The following COL5A2 variants were observed in gnomAD, a reference collection of about 807,000 sequenced individuals.
COL5A2 encodes the protein collagen alpha-2(V) chain.
COL5A2 carries 23 observed loss-of-function variants against 208.2 expected under a neutral mutation model. The ratio of observed to expected loss-of-function variants is 0.11; its 90% confidence interval spans 0.08 to 0.16. COL5A2 has a LOEUF of 0.16. Ranked by LOEUF, COL5A2 falls within the 10% of genes least tolerant of loss-of-function variation. COL5A2 has a pLI of 1.00. For missense variants in COL5A2, 1,590 were observed against 1,956.4 expected (o/e 0.81, Z 3.53); for synonymous variants, 625 against 628.5 (o/e 0.99, Z 0.08).
At chr2:189,061,184 GTAGA>G (rs1439753409) in intron 30 of COL5A2, among the ~76,000 whole-genome samples, 12 of 152,044 alleles carry the variant, frequency 7.9e-5, no homozygotes, top group Non-Finnish European at 1.5e-4. Flanking sequence ...ACTGATATAT[GTAGA>G]TAAATTATGA....
the COL5A2 span, among the ~76,000 whole-genome samples, chr2:189,253,678 A>G: frequency 2.1e-4 from 32 of 152,322 alleles, no homozygotes; most frequent in African/African-American, 7.7e-4. Context: ...TCATCTTTTA[A>G]TTCCCAGTGC....
intron 1 of COL5A2, among the ~76,000 whole-genome samples, chr2:189,132,148 CA>C (rs1687728066): frequency 6.6e-6 from 1 of 152,200 alleles, no homozygotes; most frequent in Non-Finnish European, 1.5e-5. Flanking sequence ...TCTCTGACCT[CA>C]AGTGGCCAGA....
intron 1 of COL5A2, among the ~76,000 whole-genome samples, chr2:189,122,198 C>A (rs1479218189): frequency 6.6e-6 from 1 of 152,092 alleles, no homozygotes; most frequent in East Asian, 1.9e-4. Context: ...GTTGAGGTAG[C>A]AAATAGTTTA....
chr2:189,311,452 C>G, the COL5A2 span: 1 of 1,128,676 alleles, frequency 8.9e-7, no homozygotes, highest in Non-Finnish European at 1.3e-6. Flanking sequence ...CCTCGATGTT[C>G]AGCAGGGCCT....
chr2:189,066,489 A>G lies in COL5A2; in HGVS notation c.1464T>C (p.His488=), dbSNP rs1178275685. ...GTGGGCCTATCGGACCCTGAATACC[A>G]TGTGGCCCCTGTTAAAAACAGAAGG... ...EAGPKGEPGP[H]GIQGPIGPPG... The change falls in exon 23 of 54, where the codon CAT becomes CAC. Residue 488 remains histidine, a synonymous_variant. Coordinates refer to ENST00000374866, the MANE Select transcript of COL5A2 (RefSeq NM_000393.5). The G allele has an allele frequency of 1.2e-6, 2 of 1,613,972 alleles. No individual in the cohort carries two copies. The highest frequency in any genetic ancestry group is 1.7e-5 in the Admixed American group (1 of 59,972).
chr2:189,089,777 G>A (rs542213399), intron 7 of COL5A2, among the ~76,000 whole-genome samples: 20 of 152,164 alleles, frequency 1.3e-4, no homozygotes, highest in African/African-American at 4.6e-4. Flanking sequence ...CAGTGATCTT[G>A]ATGTTACTAA....
intron 1 of COL5A2, among the ~76,000 whole-genome samples, chr2:189,211,537 T>A (rs1452367688): frequency 2.0e-5 from 3 of 152,058 alleles, no homozygotes; most frequent in Non-Finnish European, 4.4e-5. Flanking sequence ...TCAATGAGAA[T>A]AAGGCAGAGA....
chr2:189,173,039 C>T (rs1407720084), intron 1 of COL5A2, among the ~76,000 whole-genome samples: 1 of 134,248 alleles, frequency 7.4e-6, no homozygotes, highest in Non-Finnish European at 1.5e-5. Context: ...GGCATGATCT[C>T]TGCTCACTGC....
chr2:189,279,794 A>T, the COL5A2 span, among the ~76,000 whole-genome samples: 1 of 152,154 alleles, frequency 6.6e-6, no homozygotes, highest in Admixed American at 6.6e-5. Context: ...GCAAGAGAAA[A>T]CTTGAAATTA....
At chr2:189,431,636 A>G in the COL5A2 span, among the ~76,000 whole-genome samples, 1 of 152,176 alleles carries the variant, frequency 6.6e-6, no homozygotes, top group Non-Finnish European at 1.5e-5. Flanking sequence ...CGAGAAGACA[A>G]GGTTAGAGAA....
intron 1 of COL5A2, among the ~76,000 whole-genome samples, chr2:189,167,458 ATT>A (rs1688487741): frequency 6.6e-6 from 1 of 152,140 alleles, no homozygotes; most frequent in Non-Finnish European, 1.5e-5. Context: ...AACAAAAATG[ATT>A]CTAAGTACTG....
the COL5A2 span, among the ~76,000 whole-genome samples, chr2:189,384,334 A>G: frequency 6.6e-6 from 1 of 151,874 alleles, no homozygotes; most frequent in African/African-American, 2.4e-5. Context: ...CCTCCATACT[A>G]TTTTCTGTAA....
chr2:189,298,126 T>G, the COL5A2 span, among the ~76,000 whole-genome samples: 1 of 152,152 alleles, frequency 6.6e-6, no homozygotes, highest in Admixed American at 6.6e-5. Context: ...TCTCCCTTCA[T>G]CACTCTTTCT....
intron 1 of COL5A2, among the ~76,000 whole-genome samples, chr2:189,203,631 T>C (rs1184451697): frequency 2.6e-5 from 4 of 152,226 alleles, no homozygotes; most frequent in Non-Finnish European, 5.9e-5. Context: ...CACGCCCTAC[T>C]TACATGGTTA....
chr2:189,267,168 C>G, the COL5A2 span, among the ~76,000 whole-genome samples: 1 of 151,728 alleles, frequency 6.6e-6, no homozygotes, highest in Non-Finnish European at 1.5e-5. Flanking sequence ...TATTTTTGAC[C>G]CTAAAAGCAT....
At chr2:189,430,827 C>CA in the COL5A2 span, among the ~76,000 whole-genome samples, 39 of 152,344 alleles carry the variant, frequency 2.6e-4, no homozygotes, top group Admixed American at 1.3e-3. Flanking sequence ...GTGGTTCTCC[C>CA]AGCATGGTGT....
chr2:189,309,996 G>T, the COL5A2 span, among the ~76,000 whole-genome samples: 1 of 152,162 alleles, frequency 6.6e-6, no homozygotes, highest in Non-Finnish European at 1.5e-5. Context: ...AAAAGAAAAA[G>T]AAAGTAGTTT....
the COL5A2 span, among the ~76,000 whole-genome samples, chr2:189,332,836 G>C: frequency 1.3e-5 from 2 of 152,156 alleles, no homozygotes; most frequent in African/African-American, 2.4e-5. Flanking sequence ...CAAAAATGTG[G>C]AAGTGACTTT....
intron 1 of COL5A2, among the ~76,000 whole-genome samples, chr2:189,111,851 T>C (rs755201561): frequency 2.0e-5 from 3 of 151,568 alleles, no homozygotes; most frequent in African/African-American, 4.8e-5. Flanking sequence ...TGTTCATCAC[T>C]GTATTTCTTT....
Sources: allele counts gnomAD v4.1 joint callset (sites outside exome capture counted in the v4.1 genomes callset), GRCh38; gene constraint gnomAD v4.1.1; transcripts MANE v1.5; gene names NCBI Gene and HGNC (gene_info 2026-07-23, HGNC 2026-07-21).